Variants in TMEM131 observed in about 807,000 individuals in gnomAD.
TMEM131 encodes transmembrane protein 131.
TMEM131 carries 66 observed loss-of-function variants against 211.6 expected under a neutral mutation model. That is an observed-to-expected ratio of 0.31 (90% confidence interval 0.26 to 0.38). The LOEUF (loss-of-function observed/expected upper bound fraction) is 0.38. TMEM131 is among the 10% of genes least tolerant of loss of function. TMEM131 has a pLI of 1.00. For missense variants in TMEM131, 2,036 were observed against 2,299.3 expected, an observed-to-expected ratio of 0.89 and a Z score of 2.34; for synonymous variants, 844 against 841.3, an observed-to-expected ratio of 1.00 and a Z score of -0.06.
intron 21 of TMEM131, 74 bp from the exon 22 acceptor site, chr2:97,805,279 A>G: frequency 1.3e-6 from 2 of 1,561,198 alleles, no homozygotes; most frequent in South Asian, 2.3e-5. Flanking sequence ...TTCTATAGTA[A>G]CAAAAGACAG....
chr2:97,837,656 G>T (rs1316079418), intron 7 of TMEM131, among the ~76,000 whole-genome samples: 1 of 152,048 alleles, frequency 6.6e-6, no homozygotes, highest in East Asian at 1.9e-4. Context: ...GAAAATATGT[G>T]GTTTCTACTG....
chr2:97,841,772 C>T (rs1195706986), intron 7 of TMEM131, 43 bp downstream of exon 7: 1 of 1,526,752 alleles, frequency 6.5e-7, no homozygotes, highest in Non-Finnish European at 8.8e-7. Context: ...GCATTAATTC[C>T]CACCAAAATG....
chr2:97,826,687 A>C (rs900558640), intron 11 of TMEM131, among the ~76,000 whole-genome samples: 1 of 152,176 alleles, frequency 6.6e-6, no homozygotes. Flanking sequence ...AGAGACAAAA[A>C]AGAAGTCAAA....
At chr2:97,776,797 T>TGGCTG (rs1228344507) in intron 31 of TMEM131, among the ~76,000 whole-genome samples, 1 of 152,226 alleles carries the variant, frequency 6.6e-6, no homozygotes, top group Non-Finnish European at 1.5e-5. Context: ...GTAGCCATAA[T>TGGCTG]GGCTGGGTGC....
intron 4 of TMEM131, among the ~76,000 whole-genome samples, chr2:97,870,979 A>G (rs554191995): frequency 1.3e-5 from 2 of 152,356 alleles, no homozygotes; most frequent in Non-Finnish European, 2.9e-5. Flanking sequence ...TGGAATACCA[A>G]AAAGTCATCA....
chr2:97,807,414 T>C (rs942351433), intron 19 of TMEM131, among the ~76,000 whole-genome samples: 1 of 152,154 alleles, frequency 6.6e-6, no homozygotes, highest in Non-Finnish European at 1.5e-5. Context: ...ACACAACCAC[T>C]GGTTGTTAAA....
intron 3 of TMEM131, among the ~76,000 whole-genome samples, chr2:97,897,063 C>A (rs1303085649): frequency 6.6e-6 from 1 of 151,888 alleles, no homozygotes; most frequent in Non-Finnish European, 1.5e-5. Flanking sequence ...AAATTTATCC[C>A]AAAGTATGCA....
chr2:97,863,515 A>G (rs553188376), intron 4 of TMEM131, among the ~76,000 whole-genome samples: 239 of 152,356 alleles, frequency 1.6e-3, no homozygotes, highest in African/African-American at 5.3e-3. Context: ...GGGATTAATA[A>G]TAACTAGAAT....
At chr2:97,808,999 G>A (rs1416429701) in intron 19 of TMEM131, among the ~76,000 whole-genome samples, 3 of 152,112 alleles carry the variant, frequency 2.0e-5, no homozygotes, top group African/African-American at 7.2e-5. Context: ...AACTCCCCTT[G>A]GCACTTTTCA....
intron 15 of TMEM131, among the ~76,000 whole-genome samples, chr2:97,813,121 C>T (rs1302151225): frequency 6.6e-6 from 1 of 152,154 alleles, no homozygotes; most frequent in Non-Finnish European, 1.5e-5. Flanking sequence ...ATGAAAACAG[C>T]CATGGCTTCT....
chr2:97,993,739 G>T (rs539739556), intron 1 of TMEM131, among the ~76,000 whole-genome samples: 1 of 152,306 alleles, frequency 6.6e-6, no homozygotes, highest in East Asian at 1.9e-4. Context: ...ACATTTATGG[G>T]TATTAGAGAG....
chr2:97,979,649 AG>A (rs61419585), intron 1 of TMEM131, among the ~76,000 whole-genome samples: 56,668 of 152,046 alleles, frequency 0.37, 11,687 homozygotes, highest in African/African-American at 0.52. Flanking sequence ...AAGAGAAGAG[AG>A]GGGCCTTGCT....
At chr2:97,867,527 G>T (rs1394793625) in intron 4 of TMEM131, among the ~76,000 whole-genome samples, 3 of 152,254 alleles carry the variant, frequency 2.0e-5, no homozygotes, top group African/African-American at 7.2e-5. Flanking sequence ...TACAAGTAGT[G>T]GTCACTGGGG....
chr2:97,767,515 T>A (rs1314246118), intron 33 of TMEM131, among the ~76,000 whole-genome samples: 1 of 152,148 alleles, frequency 6.6e-6, no homozygotes, highest in Non-Finnish European at 1.5e-5. Context: ...TCAGCTAATG[T>A]GGTCCAAGAA....
intron 1 of TMEM131, among the ~76,000 whole-genome samples, chr2:97,954,806 CAAAAA>C (rs778680522): frequency 2.7e-5 from 1 of 37,056 alleles, no homozygotes; most frequent in Admixed American, 3.3e-4. Flanking sequence ...AACTCCATCT[CAAAAA>C]AAAAAAAAAA....
chr2:97,835,026 T>C, intron 8 of TMEM131, 101 bp from the exon 9 acceptor site: 1 of 1,194,418 alleles, frequency 8.4e-7, no homozygotes, highest in Middle Eastern at 2.0e-4. Context: ...ATGAGTATTC[T>C]ATATACCTAT....
intron 23 of TMEM131, 39 bp from the exon 24 acceptor site, chr2:97,802,576 ATAGT>A (rs1186316603): frequency 1.3e-5 from 21 of 1,600,342 alleles, no homozygotes; most frequent in Non-Finnish European, 1.8e-5. Context: ...AAAGATTTCT[ATAGT>A]TAAAGCTAAG....
At chr2:97,951,262 A>G (rs1458104131) in intron 1 of TMEM131, among the ~76,000 whole-genome samples, 1 of 152,124 alleles carries the variant, frequency 6.6e-6, no homozygotes, top group African/African-American at 2.4e-5. Context: ...AAGACAATTG[A>G]GTTTTGTAAG....
intron 1 of TMEM131, among the ~76,000 whole-genome samples, chr2:97,982,141 C>T (rs546940507): frequency 1.3e-5 from 2 of 152,262 alleles, no homozygotes; most frequent in East Asian, 3.9e-4. Context: ...CTTATGTTAC[C>T]CATAAAGCAA....
Sources: allele counts gnomAD v4.1 joint callset (sites outside exome capture counted in the v4.1 genomes callset), GRCh38; gene constraint gnomAD v4.1.1; transcripts MANE v1.5; gene names NCBI Gene and HGNC (gene_info 2026-07-23, HGNC 2026-07-21).